WDR27: variants seen among roughly 807,000 people sequenced by gnomAD.
WDR27 encodes the protein WD repeat-containing protein 27.
WDR27 carries 100 observed loss-of-function variants against 114.4 expected under a neutral mutation model. The observed-to-expected ratio is 0.87, with a 90% CI of 0.74 to 1.03. The LOEUF (loss-of-function observed/expected upper bound fraction) is 1.03, where lower values mean the gene tolerates loss of function less well. Among genes scored for constraint, WDR27 ranks in the 50% least tolerant of loss-of-function variants. The probability of loss-of-function intolerance (pLI) is 0.00; values close to 1 mark genes in which losing one functional copy is unlikely to be tolerated. For synonymous variants in WDR27, 449 were observed against 423.1 expected, an observed-to-expected ratio of 1.06 and a Z score of -0.75; for missense variants, 1,129 against 1,092.9, an observed-to-expected ratio of 1.03 and a Z score of -0.47.
At chr6:169,699,068 A>C (rs546944912) in intron 1 of WDR27, among the ~76,000 whole-genome samples, 2 of 152,338 alleles carry the variant, frequency 1.3e-5, no homozygotes, top group Admixed American at 6.5e-5. Flanking sequence ...CAACTGCAAC[A>C]ACCTGTAATA....
At chr6:169,448,375 CCT>C in the WDR27 span, among the ~76,000 whole-genome samples, 5 of 143,364 alleles carry the variant, frequency 3.5e-5, no homozygotes, top group Non-Finnish European at 6.1e-5. Flanking sequence ...TCTCTCTCTC[CCT>C]CTGTCTCTGT....
At chr6:169,691,391 G>A (rs1562946579) in intron 1 of WDR27, among the ~76,000 whole-genome samples, 1 of 151,790 alleles carries the variant, frequency 6.6e-6, no homozygotes, top group Non-Finnish European at 1.5e-5. Flanking sequence ...TACTTTGAGT[G>A]TCATATGAAA....
At chr6:169,621,828 G>A (rs111920567) in intron 21 of WDR27, among the ~76,000 whole-genome samples, 3,398 of 152,054 alleles carry the variant, frequency 0.022, 73 homozygotes, top group East Asian at 0.088. Context: ...ATATACACAC[G>A]TATTCACGCA....
At chr6:169,692,638 G>C (rs1307966078) in intron 1 of WDR27, among the ~76,000 whole-genome samples, 1 of 152,128 alleles carries the variant, frequency 6.6e-6, no homozygotes, top group African/African-American at 2.4e-5. Flanking sequence ...ATGGGAGCTG[G>C]GTGAGGCCTT....
chr6:169,588,349 T>C (rs545692343), intron 23 of WDR27, among the ~76,000 whole-genome samples: 6 of 152,368 alleles, frequency 3.9e-5, no homozygotes, highest in African/African-American at 1.4e-4. Flanking sequence ...GATGTGTGTA[T>C]ATTTTATGAT....
At chr6:169,484,469 G>T (rs573326219) in intron 25 of WDR27, among the ~76,000 whole-genome samples, 1 of 152,028 alleles carries the variant, frequency 6.6e-6, no homozygotes, top group African/African-American at 2.4e-5. Context: ...TAACCAGGGA[G>T]GTGAAAGACA....
At chr6:169,660,561 A>G in intron 10 of WDR27, 102 bp downstream of exon 10, 1 of 929,828 alleles carries the variant, frequency 1.1e-6, no homozygotes, top group Non-Finnish European at 1.7e-6. Context: ...TCTCATCCTC[A>G]GATTCACACG....
chr6:169,652,719 C>T (rs1004735150), intron 13 of WDR27, among the ~76,000 whole-genome samples: 2 of 152,186 alleles, frequency 1.3e-5, no homozygotes, highest in Non-Finnish European at 2.9e-5. Context: ...CTAAACTACA[C>T]CCAAAACATC....
chr6:169,458,318 A>G (rs1216945098), intron 25 of WDR27, among the ~76,000 whole-genome samples: 2 of 152,128 alleles, frequency 1.3e-5, no homozygotes, highest in Non-Finnish European at 2.9e-5. Flanking sequence ...TCAGCGATGG[A>G]TGCTTCTTCT....
At chr6:169,522,756 A>G (rs770593529) in intron 25 of WDR27, among the ~76,000 whole-genome samples, 4 of 152,030 alleles carry the variant, frequency 2.6e-5, no homozygotes, top group Non-Finnish European at 4.4e-5. Context: ...AAATTTAAAA[A>G]TATCTTAAAA....
At chr6:169,443,956 G>A in the WDR27 span, among the ~76,000 whole-genome samples, 87 of 152,312 alleles carry the variant, frequency 5.7e-4, no homozygotes, top group African/African-American at 1.8e-3. Context: ...ATAAAAGGAA[G>A]ATGGCGGCAT....
At chr6:169,529,203 C>T (rs1425799621) in intron 25 of WDR27, among the ~76,000 whole-genome samples, 3 of 150,592 alleles carry the variant, frequency 2.0e-5, no homozygotes, top group Non-Finnish European at 4.4e-5. Context: ...ACTAGAATCT[C>T]ATTTCACTAT....
At chr6:169,475,135 A>T (rs1786966296) in intron 25 of WDR27, among the ~76,000 whole-genome samples, 1 of 152,142 alleles carries the variant, frequency 6.6e-6, no homozygotes, top group Admixed American at 6.5e-5. Flanking sequence ...TTTTTGTCAC[A>T]TTTTATGCTT....
At chr6:169,633,854 T>C (rs1207207022) in intron 20 of WDR27, among the ~76,000 whole-genome samples, 1 of 152,204 alleles carries the variant, frequency 6.6e-6, no homozygotes, top group Non-Finnish European at 1.5e-5. Context: ...AAAGAAAACA[T>C]ACTGCAACCT....
chr6:169,487,733 A>G (rs1789130333), intron 25 of WDR27, among the ~76,000 whole-genome samples: 1 of 152,232 alleles, frequency 6.6e-6, no homozygotes, highest in South Asian at 2.1e-4. Context: ...CTAAATGTAA[A>G]TGAATCACCA....
chr6:169,512,897 T>C (rs556474414), intron 25 of WDR27, among the ~76,000 whole-genome samples: 8 of 152,284 alleles, frequency 5.3e-5, no homozygotes, highest in African/African-American at 1.9e-4. Flanking sequence ...CTAAGGCTAA[T>C]AGAACAGTGA....
chr6:169,660,575 A>C, intron 10 of WDR27, 88 bp downstream of exon 10: 1 of 1,081,550 alleles, frequency 9.2e-7, no homozygotes, highest in East Asian at 2.4e-5. Context: ...TCACACGGCA[A>C]GGCCTTCTCC....
At chr6:169,530,231 G>T (rs1223584023) in intron 25 of WDR27, among the ~76,000 whole-genome samples, 1 of 152,156 alleles carries the variant, frequency 6.6e-6, no homozygotes, top group Non-Finnish European at 1.5e-5. Flanking sequence ...CAAAAGCTAT[G>T]AACACAAACA....
intron 16 of WDR27, among the ~76,000 whole-genome samples, chr6:169,644,335 G>A (rs1819954023): frequency 6.6e-6 from 1 of 151,572 alleles, no homozygotes; most frequent in African/African-American, 2.4e-5. Flanking sequence ...GTTCACACGA[G>A]TCACACTGTA....
Sources: allele counts gnomAD v4.1 joint callset (sites outside exome capture counted in the v4.1 genomes callset), GRCh38; gene constraint gnomAD v4.1.1; transcripts MANE v1.5; gene names NCBI Gene and HGNC (gene_info 2026-07-23, HGNC 2026-07-21).